Variants in UPP2 observed in about 807,000 individuals in gnomAD.
UPP2 encodes UPase 2.
In UPP2, 23 loss-of-function variants were observed where a neutral mutation model predicts 26.7. The observed-to-expected ratio is 0.86, with a 90% confidence interval of 0.62 to 1.22. The LOEUF (loss-of-function observed/expected upper bound fraction) is 1.22, where lower values mean the gene tolerates loss of function less well. UPP2 is among the 50% of genes most tolerant of loss of function. UPP2 has a pLI of 0.00. For synonymous variants in UPP2, 127 were observed against 141.3 expected, an observed-to-expected ratio of 0.90 and a Z score of 0.72; for missense variants, 387 against 396.7, an observed-to-expected ratio of 0.98 and a Z score of 0.21.
chr2:158,118,990 G>A (rs1333577583), intron 4 of UPP2, among the ~76,000 whole-genome samples: 4 of 152,060 alleles, frequency 2.6e-5, no homozygotes, highest in Non-Finnish European at 5.9e-5. Context: ...CATCCATAGA[G>A]AGAAGTAGAG....
intron 3 of UPP2, among the ~76,000 whole-genome samples, chr2:158,046,297 C>T (rs1180602985): frequency 6.6e-6 from 1 of 152,222 alleles, no homozygotes; most frequent in African/African-American, 2.4e-5. Context: ...ATAGTTTCCA[C>T]TCCCCCTCAC....
At chr2:158,059,842 G>A (rs1159070760) in intron 3 of UPP2, among the ~76,000 whole-genome samples, 1 of 151,860 alleles carries the variant, frequency 6.6e-6, no homozygotes, top group Non-Finnish European at 1.5e-5. Context: ...GTTCTATCTG[G>A]ACCTTTCATC....
intron 3 of UPP2, among the ~76,000 whole-genome samples, chr2:158,086,832 T>C (rs1421768006): frequency 6.6e-6 from 1 of 152,160 alleles, no homozygotes; most frequent in African/African-American, 2.4e-5. Flanking sequence ...TATCCAATTT[T>C]ATTACACTGT....
At chr2:158,070,874 G>A (rs1047220919) in intron 3 of UPP2, among the ~76,000 whole-genome samples, 5 of 152,148 alleles carry the variant, frequency 3.3e-5, no homozygotes, top group African/African-American at 1.2e-4. Flanking sequence ...GGGAGGGAGA[G>A]CACAGTGACT....
At chr2:158,061,252 A>G (rs1682347294) in intron 3 of UPP2, among the ~76,000 whole-genome samples, 1 of 152,202 alleles carries the variant, frequency 6.6e-6, no homozygotes, top group Admixed American at 6.5e-5. Flanking sequence ...ACTGAAGCCC[A>G]GGGTAGTTAG....
rs369823277 is a variant in UPP2 at position 158,115,192 on chromosome 2, T to A, written c.272T>A (p.Ile91Lys). ...GGGTTTGAGGAAGCTGAAGAAGACA[T>A]AAAAGACATCTGTGCTGGGACAGAC... ...ELGFEEAEED[I>K]KDICAGTDRY... Residue 91 changes from isoleucine (I) to lysine (K), a missense_variant, in exon 3 of 7, where the codon ATA (isoleucine) becomes AAA (lysine). Ile to Lys is a moderately radical substitution (Grantham distance 102). Transcript: ENST00000005756. 1 of 1,613,614 alleles carries A rather than the reference T, an allele frequency of 6.2e-7. No individual in the cohort carries two copies.
intron 4 of UPP2, among the ~76,000 whole-genome samples, chr2:158,121,108 T>C (rs978254054): frequency 2.6e-5 from 4 of 152,020 alleles, no homozygotes; most frequent in African/African-American, 9.7e-5. Flanking sequence ...ATTTAGTTTT[T>C]TCCTGACCTA....
intron 3 of UPP2, among the ~76,000 whole-genome samples, chr2:158,070,248 C>A (rs1352565515): frequency 1.3e-5 from 2 of 152,156 alleles, no homozygotes; most frequent in African/African-American, 4.8e-5. Context: ...CATGAATGAA[C>A]CCAAACTGAG....
At chr2:157,995,720 C>T (rs916628244) in intron 2 of UPP2, among the ~76,000 whole-genome samples, 1 of 151,976 alleles carries the variant, frequency 6.6e-6, no homozygotes, top group Non-Finnish European at 1.5e-5. Context: ...GGCACATACA[C>T]ACACATACAC....
intron 3 of UPP2, among the ~76,000 whole-genome samples, chr2:158,088,814 A>G (rs1425276793): frequency 6.6e-6 from 1 of 152,226 alleles, no homozygotes; most frequent in Admixed American, 6.5e-5. Flanking sequence ...GTGTCCGCAC[A>G]GAGTCCTGTG....
rs115130506 is a variant in UPP2 at position 158,033,359 on chromosome 2, C to T, written c.147+17473C>T. 7.4e-3 allele frequency among the ~76,000 whole-genome samples: 1,131 copies of T among 152,320 alleles called. 15 individuals carry two copies. Among genetic ancestry groups the T allele is most frequent in the African/African-American group, 0.026 (1,094 of 41,552 alleles). On this transcript the variant is annotated intron_variant, in intron 3 of 9. Transcript: ENST00000605860. ...AGATGCTCTCACACTCACCTACTCT[C>T]CTGCTTTCTGCATTTAGCTGGGCTC...
upstream of UPP2, among the ~76,000 whole-genome samples, chr2:158,098,043 T>C (rs577400347): frequency 9.2e-5 from 14 of 152,290 alleles, no homozygotes; most frequent in South Asian, 2.9e-3. Context: ...ATTTTAGATA[T>C]GTTTATACTG....
In UPP2 at chr2:158,101,964, GGAACT is replaced by G. The variant is rs1225655945; in HGVS notation, c.-94_-90del. 1.3e-6 allele frequency: 2 copies of G among 1,493,548 alleles called. No homozygotes were observed. The highest frequency in any genetic ancestry group is 1.8e-6 in the Non-Finnish European group (2 of 1,122,402). The allele number at this position is 1,493,548 out of a possible 1,614,324, so 92.5% of individuals were successfully genotyped here. A position where few individuals can be genotyped will look rare whatever the true frequency, so the allele number is the denominator to read the frequency against. On this transcript the variant is annotated 5_prime_UTR_variant, in exon 1 of 7. Coordinates refer to ENST00000005756, the MANE Select transcript of UPP2 (RefSeq NM_173355.4). ...TTAAGAGAGGTTATCATTCTGACTGGGAACTGAACTATTATGACTAGGTCTATAAT... is the reference window on the plus strand; with the variant it reads ...TTAAGAGAGGTTATCATTCTGACTGGGAACTATTATGACTAGGTCTATAAT...
chr2:158,115,403 A>G, intron 3 of UPP2, 144 bp downstream of exon 3: 2 of 1,009,366 alleles, frequency 2.0e-6, no homozygotes, highest in Admixed American at 3.5e-5. Context: ...TCATTATTGG[A>G]AAAAGCCCCC....
intron 3 of UPP2, among the ~76,000 whole-genome samples, chr2:158,095,829 G>C (rs188432909): frequency 6.6e-6 from 1 of 151,590 alleles, no homozygotes; most frequent in East Asian, 1.9e-4. Context: ...TTTCTATTCT[G>C]AGTTGAATGT....
At chr2:158,087,604 T>C (rs1682837541) in intron 3 of UPP2, among the ~76,000 whole-genome samples, 1 of 152,218 alleles carries the variant, frequency 6.6e-6, no homozygotes, top group Admixed American at 6.5e-5. Context: ...AGATTTATGC[T>C]TTAATGAGGT....
At chr2:158,008,554 G>A (rs1479379036) in intron 2 of UPP2, among the ~76,000 whole-genome samples, 1 of 152,136 alleles carries the variant, frequency 6.6e-6, no homozygotes, top group Non-Finnish European at 1.5e-5. Flanking sequence ...ACAATGAAAT[G>A]GGTATCCCGT....
At chr2:158,045,550 C>A (rs1465058711) in intron 3 of UPP2, among the ~76,000 whole-genome samples, 1 of 152,268 alleles carries the variant, frequency 6.6e-6, no homozygotes, top group Admixed American at 6.5e-5. Context: ...TCCCATGTTG[C>A]CCTCTGCACC....
chr2:158,097,685 C>T (rs1190090299), upstream of UPP2, among the ~76,000 whole-genome samples: 10 of 152,158 alleles, frequency 6.6e-5, no homozygotes, highest in African/African-American at 9.7e-5. Context: ...CACCAACCCT[C>T]GGGGGAAGGT....
Sources: gnomAD v4.1 joint callset for allele counts (sites outside exome capture counted in the v4.1 genomes callset) on GRCh38, gnomAD v4.1.1 for gene constraint, MANE v1.5 for transcripts, NCBI Gene and HGNC (gene_info 2026-07-23, HGNC 2026-07-21) for gene names.